KLHL29: variants seen among roughly 807,000 people sequenced by gnomAD.
The protein encoded by KLHL29 is kelch like family member 29.
Under a neutral mutation model 80.4 loss-of-function variants are expected in KLHL29, and 21 were observed. That is an observed-to-expected ratio of 0.26 (90% CI 0.19 to 0.38). The LOEUF is 0.38. Ranked by LOEUF, KLHL29 falls within the 10% of genes least tolerant of loss-of-function variation. The probability of loss-of-function intolerance (pLI) is 1.00; values close to 1 mark genes in which losing one functional copy is unlikely to be tolerated. For synonymous variants in KLHL29, 511 were observed against 526.8 expected, an observed-to-expected ratio of 0.97 and a Z score of 0.41; for missense variants, 867 against 1,223.9, an observed-to-expected ratio of 0.71 and a Z score of 4.35.
chr2:23,553,135 C>T (rs1052754032), intron 2 of KLHL29, among the ~76,000 whole-genome samples: 1 of 152,184 alleles, frequency 6.6e-6, no homozygotes, highest in African/African-American at 2.4e-5. Flanking sequence ...CTGGTAGATG[C>T]TGCTCATTTG....
chr2:23,662,618 GGA>G (rs1670443053), intron 5 of KLHL29, among the ~76,000 whole-genome samples: 3 of 152,164 alleles, frequency 2.0e-5, no homozygotes, highest in Non-Finnish European at 4.4e-5. Context: ...TACCACCTGA[GGA>G]GAGAGCCCTG....
chr2:23,619,749 G>A (rs1480126701), intron 3 of KLHL29, among the ~76,000 whole-genome samples: 1 of 152,186 alleles, frequency 6.6e-6, no homozygotes, highest in Non-Finnish European at 1.5e-5. Flanking sequence ...AGCACGTCTG[G>A]GGCGCTGGTA....
rs1040157145 is a variant in KLHL29, at chr2:23,596,578, A to G, written c.285+34097A>G. Among the ~76,000 whole-genome samples, 38 of 152,344 alleles carry G rather than the reference A, an allele frequency of 2.5e-4. No individual in the cohort carries two copies. Among genetic ancestry groups the G allele is most frequent in the African/African-American group, 8.9e-4 (37 of 41,576 alleles). The stretch of plus-strand genomic sequence containing the variant: ...ACCTCACGCTGAGTCATCCTTCTCC[A>G]TAATGGAAGATGAGATTGTGCTGGC... On this transcript the variant is annotated intron_variant, in intron 3 of 13. Coordinates refer to ENST00000486442, the MANE Select transcript of KLHL29 (RefSeq NM_052920.2). The surrounding 1 kb of genome is among the most constrained non-coding windows in gnomAD (Gnocchi z 4.4).
At chr2:23,415,812 C>T (rs895251375) in intron 1 of KLHL29, among the ~76,000 whole-genome samples, 3 of 152,226 alleles carry the variant, frequency 2.0e-5, no homozygotes, top group African/African-American at 7.2e-5. Context: ...GATCCTCACA[C>T]CTTAGCCTCC....
At chr2:23,630,880 G>A (rs1019484301) in intron 3 of KLHL29, among the ~76,000 whole-genome samples, 10 of 152,296 alleles carry the variant, frequency 6.6e-5, no homozygotes, top group Admixed American at 2.0e-4. Flanking sequence ...GGAAATCAGC[G>A]CATGCCGGCA....
intron 2 of KLHL29, among the ~76,000 whole-genome samples, chr2:23,508,921 G>A (rs1424093429): frequency 6.6e-6 from 1 of 152,226 alleles, no homozygotes; most frequent in African/African-American, 2.4e-5. Flanking sequence ...TCCTGGCTCT[G>A]TCACTTACTG....
chr2:23,499,016 C>G (rs1034850308), intron 2 of KLHL29, among the ~76,000 whole-genome samples: 18 of 152,154 alleles, frequency 1.2e-4, no homozygotes, highest in African/African-American at 3.6e-4. Flanking sequence ...CCTTTCGTGG[C>G]CATAAGAATT....
chr2:23,489,705 G>T (rs57347000), intron 2 of KLHL29, among the ~76,000 whole-genome samples: 9 of 151,842 alleles, frequency 5.9e-5, no homozygotes, highest in Non-Finnish European at 1.2e-4. Flanking sequence ...AGATGGCCCC[G>T]AGTGAATGTG....
At position 23,681,766 on chromosome 2, in the gene KLHL29, C is replaced by G. The variant is rs2149188301; in HGVS notation, c.941-2633C>G. 6.6e-6 allele frequency among the ~76,000 whole-genome samples: 1 copy of G among 152,264 alleles called. No homozygotes were observed. Among genetic ancestry groups the G allele is most frequent in the South Asian group, 2.1e-4 (1 of 4,826 alleles). On this transcript the variant is annotated intron_variant, in intron 5 of 13. Transcript: ENST00000486442. The surrounding 1 kb of genome is among the most constrained non-coding windows in gnomAD (Gnocchi z 4.2). ...CAGAATCCCAGCCCAGAATTCTGTC[C>G]CCTCCCCTACCGCTTCACTCAAAAA...
At chr2:23,706,338 G>C (rs1408985145) in intron 13 of KLHL29, 143 bp from the exon 14 acceptor site, 1 of 578,540 alleles carries the variant, frequency 1.7e-6, no homozygotes, top group East Asian at 3.4e-5. Flanking sequence ...GCCCAGGTTA[G>C]AGGGCAAAGA....
intron 5 of KLHL29, chr2:23,670,192 G>C (rs138831169): frequency 6.6e-6 from 1 of 152,402 alleles, no homozygotes; most frequent in African/African-American, 2.4e-5. Context: ...ACCTGAGCTC[G>C]CGGGCTAACT....
chr2:23,558,885 C>A (rs188019577), intron 2 of KLHL29, among the ~76,000 whole-genome samples: 9 of 152,358 alleles, frequency 5.9e-5, no homozygotes, highest in Admixed American at 2.0e-4. Context: ...AGGTACTGAA[C>A]ACCCTTCTTT....
intron 3 of KLHL29, among the ~76,000 whole-genome samples, chr2:23,584,368 C>T (rs933194294): frequency 5.3e-5 from 8 of 152,232 alleles, no homozygotes; most frequent in Non-Finnish European, 8.8e-5. Context: ...TGGAAACAGG[C>T]ACCCTCCTCC....
At chr2:23,621,071 C>T (rs768429008) in intron 3 of KLHL29, among the ~76,000 whole-genome samples, 45 of 152,212 alleles carry the variant, frequency 3.0e-4, no homozygotes, top group Non-Finnish European at 6.0e-4. Flanking sequence ...CATCCTTGGC[C>T]GGGGGACTGC....
At chr2:23,552,308 ATGATGGTT>A (rs1408654986) in intron 2 of KLHL29, among the ~76,000 whole-genome samples, 2 of 152,222 alleles carry the variant, frequency 1.3e-5, no homozygotes. Context: ...ATTGATAGTG[ATGATGGTT>A]TGATGGTTTG....
At chr2:23,563,951 G>A (rs1021023409) in intron 3 of KLHL29, among the ~76,000 whole-genome samples, 1 of 152,248 alleles carries the variant, frequency 6.6e-6, no homozygotes, top group African/African-American at 2.4e-5. Flanking sequence ...CAGCCCGAGC[G>A]CTGGTCTGAC....
At chr2:23,523,894 C>T (rs1558372156) in intron 2 of KLHL29, 3 of 440,292 alleles carry the variant, frequency 6.8e-6, no homozygotes, top group Admixed American at 5.0e-5. Context: ...GGACTTGGCA[C>T]GCTTCTACAA....
In KLHL29 at chr2:23,693,426, C is replaced by A. The variant is rs918800744; in HGVS notation, c.1440C>A (p.Phe480Leu). The stretch of plus-strand genomic sequence containing the variant: ...TCCTCAGCATCTCCAAGGACGACTT[C>A]ATCGCCTACGTCTCCAACGACAGCC... Reference protein sequence around the residue: ...EEILSISKDDFIAYVSNDSLN... With the variant: ...EEILSISKDDLIAYVSNDSLN... Residue 480 changes from phenylalanine (F) to leucine (L), a missense_variant, in exon 8 of 14, where the codon TTC becomes TTA. Transcript: ENST00000486442. The A allele has an allele frequency of 1.3e-6, 2 of 1,551,644 alleles. No individual in the cohort carries two copies. The highest frequency in any genetic ancestry group is 3.9e-5 in the Admixed American group (2 of 50,996).
intron 2 of KLHL29, among the ~76,000 whole-genome samples, chr2:23,540,401 T>A (rs553495536): frequency 6.6e-6 from 1 of 152,376 alleles, no homozygotes; most frequent in East Asian, 1.9e-4. Context: ...ACACAGATCA[T>A]AGAAGCGTTT....
Sources: allele counts gnomAD v4.1 joint callset (sites outside exome capture counted in the v4.1 genomes callset), GRCh38; gene constraint gnomAD v4.1.1; non-coding constraint Gnocchi (gnomAD v3.1); transcripts MANE v1.5; gene names NCBI Gene and HGNC (gene_info 2026-07-23, HGNC 2026-07-21).